Variants in NOVA2 observed in about 807,000 individuals in gnomAD.
NOVA2 encodes NOVA alternative splicing regulator 2.
In NOVA2, 9 loss-of-function variants were observed where a neutral mutation model predicts 22.5. That is an observed-to-expected ratio of 0.40 (90% CI 0.24 to 0.70). The LOEUF (loss-of-function observed/expected upper bound fraction) is 0.70. Ranked by LOEUF, NOVA2 falls within the 30% of genes least tolerant of loss-of-function variation. NOVA2 has a pLI of 0.38. For missense variants in NOVA2, 383 were observed against 682.8 expected, an observed-to-expected ratio of 0.56 and a Z score of 4.89; for synonymous variants, 318 against 335.2, an observed-to-expected ratio of 0.95 and a Z score of 0.56.
rs1296457905 is a variant in NOVA2, at chr19:45,944,462, AC to A, written c.397-3518del. Among the ~76,000 whole-genome samples, 27 of 151,482 alleles carry A rather than the reference AC, an allele frequency of 1.8e-4. No homozygotes were observed. The East Asian group carries it at 4.4e-3, about 25-fold the overall frequency. On this transcript the variant is annotated intron_variant, in intron 3 of 3. Coordinates refer to ENST00000263257, the MANE Select transcript of NOVA2 (RefSeq NM_002516.4). Reference sequence around the variant, plus strand: ...TTTCAAAAACAAAACAAAACAAAAAACAAAAACAACAACAAAGAAGCAAAAA... The same window carrying A: ...TTTCAAAAACAAAACAAAACAAAAAAAAAAACAACAACAAAGAAGCAAAAA...
At chr19:45,952,696 G>C (rs1377190964) in intron 3 of NOVA2, among the ~76,000 whole-genome samples, 1 of 152,244 alleles carries the variant, frequency 6.6e-6, no homozygotes, top group Non-Finnish European at 1.5e-5. Context: ...CTGGTGGGAA[G>C]GGATTCGGGA....
intron 3 of NOVA2, among the ~76,000 whole-genome samples, chr19:45,945,435 T>C (rs1363144430): frequency 6.6e-6 from 1 of 152,210 alleles, no homozygotes; most frequent in Non-Finnish European, 1.5e-5. Context: ...TTATTTATCA[T>C]GTATTTTATG....
chr19:45,954,719 C>G (rs945316972), intron 2 of NOVA2, among the ~76,000 whole-genome samples: 2 of 151,192 alleles, frequency 1.3e-5, no homozygotes, highest in Non-Finnish European at 2.9e-5. Context: ...TCCTGGGCAT[C>G]CTTCTCATTT....
In NOVA2 at chr19:45,939,783, G is replaced by T. The variant is rs1224773667; in HGVS notation, c.*80C>A. 1 of 1,564,004 alleles carries T rather than the reference G, an allele frequency of 6.4e-7. No individual in the cohort carries two copies. The highest frequency in any genetic ancestry group is 8.7e-7 in the Non-Finnish European group (1 of 1,148,676). ...AGGAGCAGGACTACACCAAGCTGAG[G>T]TCAGGAGTTGGGGGGGAGGAGGAGA... On this transcript the variant is annotated 3_prime_UTR_variant, in exon 4 of 4. Coordinates refer to ENST00000263257, the MANE Select transcript of NOVA2 (RefSeq NM_002516.4).
intron 2 of NOVA2, 23 bp downstream of exon 2, chr19:45,960,982 TAGGGC>T: frequency 6.4e-7 from 1 of 1,561,366 alleles, no homozygotes; most frequent in African/African-American, 1.4e-5. Flanking sequence ...GCGGGGGGCC[TAGGGC>T]AGAGACCTGG....
At chr19:45,960,778 G>A (rs953963579) in intron 2 of NOVA2, among the ~76,000 whole-genome samples, 5 of 152,160 alleles carry the variant, frequency 3.3e-5, no homozygotes, top group South Asian at 4.1e-4. Context: ...TCATGCAAAT[G>A]AGCTCATGAA....
In NOVA2 at chr19:45,962,770, C is replaced by A. The variant is rs548475538; in HGVS notation, c.86-1617G>T. Among the ~76,000 whole-genome samples, 21 of 152,232 alleles carry A rather than the reference C, an allele frequency of 1.4e-4. No homozygotes were observed. The Middle Eastern group carries it at 0.01, about 74-fold the overall frequency. On this transcript the variant is annotated intron_variant, in intron 1 of 3. Coordinates refer to ENST00000263257, the MANE Select transcript of NOVA2 (RefSeq NM_002516.4). Reference sequence around the variant, plus strand: ...TAAGGGGTTCCCCTGCCTCAGACTTCCGAGTAGCTGGGACTACAGGCGCCC... The same window carrying A: ...TAAGGGGTTCCCCTGCCTCAGACTTACGAGTAGCTGGGACTACAGGCGCCC...
In NOVA2 at chr19:45,960,799, G is replaced by A. The variant is rs187143791; in HGVS notation, c.229+211C>T. ...AAATGAGCTCATGAATATGCAGCAG[G>A]CCCGTTGTCTTGCCCTGCCCCCACC... On this transcript the variant is annotated intron_variant, in intron 2 of 3. Transcript: ENST00000263257. 1.2e-4 allele frequency among the ~76,000 whole-genome samples: 19 copies of A among 152,270 alleles called. No homozygotes were observed. In the East Asian group the frequency reaches 3.1e-3, roughly 25 times the overall value.
At chr19:45,948,616 A>G (rs961777705) in intron 3 of NOVA2, among the ~76,000 whole-genome samples, 90 of 151,234 alleles carry the variant, frequency 6.0e-4, no homozygotes, top group Non-Finnish European at 9.0e-4. Context: ...AAAAAAAAAA[A>G]GAAAAAAGAA....
chr19:45,954,212 TGCGATGCCCACA>T (rs1967969022), intron 2 of NOVA2, among the ~76,000 whole-genome samples: 2 of 152,202 alleles, frequency 1.3e-5, no homozygotes, highest in South Asian at 4.1e-4. Flanking sequence ...TTAAATGTTT[TGCGATGCCCACA>T]GCAGCCCTGG....
intron 1 of NOVA2, among the ~76,000 whole-genome samples, chr19:45,966,224 G>C (rs9630873): frequency 0.45 from 68,440 of 151,850 alleles, 15,634 homozygotes; most frequent in Non-Finnish European, 0.49. Context: ...CCACCTTCTA[G>C]AATTTTGCCC....
At chr19:45,960,002 G>A (rs1489382451) in intron 2 of NOVA2, among the ~76,000 whole-genome samples, 1 of 151,934 alleles carries the variant, frequency 6.6e-6, no homozygotes, top group Non-Finnish European at 1.5e-5. Context: ...GATGCTTGTC[G>A]GGCATTGGTC....
In NOVA2 at chr19:45,936,913, T is replaced by C. The variant is rs1232723171; in HGVS notation, c.*2950A>G. On this transcript the variant is annotated 3_prime_UTR_variant, in exon 4 of 4. Coordinates refer to ENST00000263257, the MANE Select transcript of NOVA2 (RefSeq NM_002516.4). ...CGGGGAAAAAAAAAGAGATGATGGGTTTTTCAATAATCCTCATCCCTGACC... is the reference window on the plus strand; with the variant it reads ...CGGGGAAAAAAAAAGAGATGATGGGCTTTTCAATAATCCTCATCCCTGACC... The C allele has an allele frequency of 6.7e-6, 1 of 149,810 alleles. No homozygotes were observed. The highest frequency in any genetic ancestry group is 1.5e-5 in the Non-Finnish European group (1 of 67,488). The allele number at this position is 149,810 out of a possible 1,614,324, so 9.3% of individuals were successfully genotyped here. A position where few individuals can be genotyped will look rare whatever the true frequency, so the allele number is the denominator to read the frequency against.
chr19:45,965,556 C>A (rs534173805), intron 1 of NOVA2, among the ~76,000 whole-genome samples: 89 of 152,190 alleles, frequency 5.8e-4, no homozygotes, highest in African/African-American at 2.1e-3. Context: ...TGGTGAAACT[C>A]CCGTCTCCAC....
intron 2 of NOVA2, among the ~76,000 whole-genome samples, chr19:45,954,385 G>A (rs1332122354): frequency 1.3e-5 from 2 of 152,188 alleles, no homozygotes; most frequent in Non-Finnish European, 2.9e-5. Flanking sequence ...CCCCCTTATC[G>A]GTCTGGCTGG....
In NOVA2 at chr19:45,939,591, T is replaced by A; in HGVS notation, c.*272A>T. On this transcript the variant is annotated 3_prime_UTR_variant, in exon 4 of 4. Coordinates refer to ENST00000263257, the MANE Select transcript of NOVA2 (RefSeq NM_002516.4). ...ACAGATATCACACAGACCTGGGCCC[T>A]GGGACAGGAAGGGTCAGGCCCAGCC... The A allele has an allele frequency of 2.1e-6, 1 of 487,718 alleles. No homozygotes were observed. Among genetic ancestry groups the A allele is most frequent in the Non-Finnish European group, 3.7e-6 (1 of 272,666 alleles). The allele number at this position is 487,718 out of a possible 1,614,324, so 30.2% of individuals were successfully genotyped here.
At chr19:45,965,722 T>G (rs1968159256) in intron 1 of NOVA2, among the ~76,000 whole-genome samples, 2 of 150,174 alleles carry the variant, frequency 1.3e-5, no homozygotes, top group Non-Finnish European at 2.9e-5. Flanking sequence ...AGAGTGAGAC[T>G]GTGTCTCAAA....
intron 1 of NOVA2, among the ~76,000 whole-genome samples, chr19:45,961,936 G>C (rs1968101984): frequency 6.6e-6 from 1 of 152,174 alleles, no homozygotes; most frequent in Non-Finnish European, 1.5e-5. Context: ...TGTGCCTGGG[G>C]CTGAATGAGA....
rs1244257082 is a variant in NOVA2, at chr19:45,939,064, T to C, written c.*799A>G. ...AGTGACATCACAACAGAGACCCTCA[T>C]TGCCATTACTCTAAGCCATCAGAGA... On this transcript the variant is annotated 3_prime_UTR_variant, in exon 4 of 4. Coordinates refer to ENST00000263257, the MANE Select transcript of NOVA2 (RefSeq NM_002516.4). The C allele has an allele frequency of 6.6e-6, 1 of 152,216 alleles. No individual in the cohort carries two copies. The highest frequency in any genetic ancestry group is 1.5e-5 in the Non-Finnish European group (1 of 68,056). 9.4% of individuals were successfully genotyped at this position (152,216 alleles called of 1,614,324 possible).
Sources: gnomAD v4.1 joint callset for allele counts (sites outside exome capture counted in the v4.1 genomes callset) on GRCh38, gnomAD v4.1.1 for gene constraint, MANE v1.5 for transcripts, NCBI Gene and HGNC (gene_info 2026-07-23, HGNC 2026-07-21) for gene names.